Variants in HPN observed in about 807,000 individuals in gnomAD.
HPN encodes hepsin.
In HPN, 13 loss-of-function variants were observed where a neutral mutation model predicts 55.9. The observed-to-expected ratio is 0.23, with a 90% confidence interval of 0.15 to 0.37. HPN has a LOEUF of 0.37. Among genes scored for constraint, HPN ranks in the 10% least tolerant of loss-of-function variants. The pLI is 1.00. For missense variants in HPN, 451 were observed against 575.8 expected, an observed-to-expected ratio of 0.78 and a Z score of 2.22; for synonymous variants, 225 against 240.3, an observed-to-expected ratio of 0.94 and a Z score of 0.59.
In HPN at chr19:35,060,538, G is replaced by A. The variant is rs367719792; in HGVS notation, c.620+26G>A. The A allele has an allele frequency of 3.1e-6, 5 of 1,611,876 alleles. No individual in the cohort carries two copies. The Admixed American group carries it at 8.3e-5, about 27-fold the overall frequency. ...GTGAGTGCCCCCCAATGGCGCTGAT[G>A]ATGGGGAGGCAGAGGAGCGGAGAGA... On this transcript the variant is annotated intron_variant, in intron 8 of 12. Coordinates refer to ENST00000672452, the MANE Select transcript of HPN (RefSeq NM_001384133.1).
At chr19:35,048,028 A>AG (rs150953006) in intron 2 of HPN, among the ~76,000 whole-genome samples, 22,067 of 85,610 alleles carry the variant, frequency 0.26, 3,751 homozygotes, top group East Asian at 0.44. Context: ...GAGAGAGAGA[A>AG]AAAGAAAGAA....
chr19:35,060,036 C>A, intron 6 of HPN, 40 bp downstream of exon 6: 2 of 1,612,026 alleles, frequency 1.2e-6, no homozygotes. Context: ...CACCTCAGAC[C>A]CCCAAGGCAC....
intron 2 of HPN, among the ~76,000 whole-genome samples, chr19:35,043,321 C>G (rs1034791590): frequency 4.6e-5 from 7 of 152,206 alleles, no homozygotes; most frequent in Non-Finnish European, 5.9e-5. Flanking sequence ...TCCTTTCTAC[C>G]TCTCACACAT....
At chr19:35,051,720 A>G (rs2064407827) in intron 4 of HPN, among the ~76,000 whole-genome samples, 1 of 151,970 alleles carries the variant, frequency 6.6e-6, no homozygotes, top group African/African-American at 2.4e-5. Flanking sequence ...ATTCATTGCC[A>G]TAGTAAAGAC....
At chr19:35,041,608 C>G (rs1005091678), upstream of HPN, 41 of 1,148,962 alleles carry the variant, frequency 3.6e-5, no homozygotes, top group African/African-American at 1.0e-4. Flanking sequence ...CCCGCCTGGT[C>G]CAGCCCCCAC....
intron 9 of HPN, among the ~76,000 whole-genome samples, chr19:35,062,133 A>G (rs2064542382): frequency 6.6e-6 from 1 of 152,150 alleles, no homozygotes; most frequent in African/African-American, 2.4e-5. Context: ...AAAAGGAAAG[A>G]AAGAAAAGAA....
intron 4 of HPN, among the ~76,000 whole-genome samples, chr19:35,051,219 C>T (rs2064402089): frequency 6.6e-6 from 1 of 152,172 alleles, no homozygotes; most frequent in Non-Finnish European, 1.5e-5. Context: ...AGTGATTCTC[C>T]TGCCTCAGCC....
chr19:35,065,509 C>A (rs1298226182), intron 10 of HPN, 30 bp from the exon 11 acceptor site: 3 of 1,611,806 alleles, frequency 1.9e-6, no homozygotes, highest in Non-Finnish European at 2.5e-6. Context: ...CACCCCCCAG[C>A]TCTGGCCAGC....
chr19:35,059,302 C>T lies in HPN; in HGVS notation c.161-371C>T, dbSNP rs11669751. ...CATAGCAAGACCCGTCTCTACAAAACAAAACAAAACAAAACAAACAAACAA... is the reference window on the plus strand; with the variant it reads ...CATAGCAAGACCCGTCTCTACAAAATAAAACAAAACAAAACAAACAAACAA... On this transcript the variant is annotated intron_variant, in intron 4 of 12. Transcript: ENST00000672452. The T allele has an allele frequency of 0.54, 196,454 of 365,884 alleles. 55,813 individuals are homozygous for T. Among genetic ancestry groups the T allele is most frequent in the Admixed American group, 0.71 (18,892 of 26,480 alleles). The allele number at this position is 365,884 out of a possible 1,614,324, so 22.7% of individuals were successfully genotyped here. A position where few individuals can be genotyped will look rare whatever the true frequency, so the allele number is the denominator to read the frequency against.
At chr19:35,046,891 C>G (rs974483045) in intron 2 of HPN, among the ~76,000 whole-genome samples, 4 of 152,096 alleles carry the variant, frequency 2.6e-5, no homozygotes, top group Non-Finnish European at 5.9e-5. Flanking sequence ...TGCAGTGGCG[C>G]GATCTCGGCT....
Position 35,060,637 on chromosome 19 carries a change from G to A in HPN, c.631G>A (p.Val211Ile), listed in dbSNP as rs149271818. Residue 211 changes from valine to isoleucine, a missense_variant, in exon 9 of 13, where the codon GTC becomes ATC. Val to Ile is a conservative substitution (Grantham distance 29). Transcript: ENST00000672452. ...AAHCFPERNR[V>I]LSRWRVFAGA... The stretch of plus-strand genomic sequence containing the variant: ...CCCTTTCCCTGGTAGGCGGAACCGG[G>A]TCCTGTCCCGATGGCGAGTGTTTGC... 19 of 1,613,836 alleles carry A rather than the reference G, an allele frequency of 1.2e-5. No individual in the cohort carries two copies. Among genetic ancestry groups the A allele is most frequent in the Non-Finnish European group, 1.6e-5 (19 of 1,180,056 alleles).
chr19:35,059,878 C>T lies in HPN; in HGVS notation c.295C>T (p.Leu99=). The change falls in exon 6 of 13, where the codon CTG becomes TTG. Residue 99 remains leucine (L), a synonymous_variant. Coordinates refer to ENST00000672452, the MANE Select transcript of HPN (RefSeq NM_001384133.1). ...SCEEMGFLRA[L]THSELDVRTA... is the part of the protein sequence containing the mutation. ...CCTAACCCCTGCCCCGCCCAGGGCA[C>T]TGACCCACTCCGAGCTGGACGTGCG... 2 of 1,501,734 alleles carry T rather than the reference C, an allele frequency of 1.3e-6. No homozygotes were observed. Among genetic ancestry groups the T allele is most frequent in the Non-Finnish European group, 1.8e-6 (2 of 1,125,126 alleles). 93.0% of individuals were successfully genotyped at this position (1,501,734 alleles called of 1,614,324 possible).
intron 4 of HPN, chr19:35,059,471 G>C: frequency 1.4e-6 from 1 of 720,746 alleles, no homozygotes; most frequent in Non-Finnish European, 2.5e-6. Flanking sequence ...AACAGAGCGA[G>C]ACCCTGTCTT....
chr19:35,059,876 C>T lies in HPN; in HGVS notation c.293C>T (p.Ala98Val). 1.3e-6 allele frequency: 2 copies of T among 1,501,636 alleles called. No homozygotes were observed. Among genetic ancestry groups the T allele is most frequent in the Middle Eastern group, 1.8e-4 (1 of 5,622 alleles). The allele number at this position is 1,501,636 out of a possible 1,614,324, so 93.0% of individuals were successfully genotyped here. ...GGCCTAACCCCTGCCCCGCCCAGGG[C>T]ACTGACCCACTCCGAGCTGGACGTG... ...LSCEEMGFLR[A>V]LTHSELDVRT... is the part of the protein sequence containing the mutation. The change falls in exon 6 of 13, where the codon GCA becomes GTA. Residue 98 changes from alanine (A) to valine (V), a missense_variant and splice_region_variant. This residue lies in a region of HPN where 378 missense variants were observed against 445.5 expected (regional missense o/e 0.85). Coordinates refer to ENST00000672452, the MANE Select transcript of HPN (RefSeq NM_001384133.1).
At chr19:35,041,584 G>GC, upstream of HPN, 1 of 1,142,374 alleles carries the variant, frequency 8.8e-7, no homozygotes, top group Non-Finnish European at 1.1e-6. Flanking sequence ...TCCAAGGCAA[G>GC]CCCCGTAGCT....
intron 4 of HPN, among the ~76,000 whole-genome samples, chr19:35,055,805 A>C (rs1447810077): frequency 6.6e-6 from 1 of 152,066 alleles, no homozygotes; most frequent in Non-Finnish European, 1.5e-5. Context: ...TGGCTGCCTC[A>C]AGAGGCTTTA....
chr19:35,056,314 T>C (rs1020745369), intron 4 of HPN, among the ~76,000 whole-genome samples: 1 of 152,214 alleles, frequency 6.6e-6, no homozygotes, highest in African/African-American at 2.4e-5. Flanking sequence ...CTTTCTTGAT[T>C]TGTCTCACCT....
At chr19:35,058,854 G>T (rs1025434635) in intron 4 of HPN, among the ~76,000 whole-genome samples, 1 of 151,650 alleles carries the variant, frequency 6.6e-6, no homozygotes, top group African/African-American at 2.4e-5. Context: ...AAAGAGCTTC[G>T]GTTTCTCCAC....
intron 4 of HPN, among the ~76,000 whole-genome samples, chr19:35,056,466 G>T (rs2064456239): frequency 6.6e-6 from 1 of 152,134 alleles, no homozygotes; most frequent in Admixed American, 6.6e-5. Context: ...TCTGTGACCT[G>T]ACTTAGGTGT....
Sources: gnomAD v4.1 joint callset for allele counts (sites outside exome capture counted in the v4.1 genomes callset) on GRCh38, gnomAD v4.1.1 for gene constraint, gnomAD v4.1.1 regional missense constraint, MANE v1.5 for transcripts, NCBI Gene and HGNC (gene_info 2026-07-23, HGNC 2026-07-21) for gene names.